The following DLGAP1 variants were observed in gnomAD, a reference collection of about 807,000 sequenced individuals.
DLGAP1 encodes DLG associated protein 1.
DLGAP1 carries 11 observed loss-of-function variants against 90.8 expected under a neutral mutation model. That is an observed-to-expected ratio of 0.12 (90% CI 0.08 to 0.20). The LOEUF (loss-of-function observed/expected upper bound fraction) is 0.20. Among genes scored for constraint, DLGAP1 ranks in the 10% least tolerant of loss-of-function variants. The pLI is 1.00. For synonymous variants in DLGAP1, 558 were observed against 540.7 expected (o/e 1.03, Z -0.44); for missense variants, 1,050 against 1,333.8 (o/e 0.79, Z 3.31).
chr18:3,990,939 T>C (rs1308923054), intron 3 of DLGAP1, among the ~76,000 whole-genome samples: 1 of 151,872 alleles, frequency 6.6e-6, no homozygotes, highest in East Asian at 1.9e-4. Flanking sequence ...TTATTTTTTT[T>C]CTAAAATGTA....
intron 2 of DLGAP1, among the ~76,000 whole-genome samples, chr18:4,134,272 C>T (rs921194533): frequency 6.6e-6 from 1 of 152,086 alleles, no homozygotes; most frequent in African/African-American, 2.4e-5. Flanking sequence ...CCCTAAAGAA[C>T]AGCCTTCCCT....
intron 3 of DLGAP1, among the ~76,000 whole-genome samples, chr18:3,953,593 A>G (rs1396540705): frequency 2.0e-5 from 3 of 152,120 alleles, no homozygotes; most frequent in Non-Finnish European, 2.9e-5. Context: ...CTGTTGATGG[A>G]CACTTAGGTT....
intron 8 of DLGAP1, among the ~76,000 whole-genome samples, chr18:3,573,358 C>T (rs1405424552): frequency 1.3e-5 from 2 of 152,018 alleles, no homozygotes; most frequent in Admixed American, 1.3e-4. Context: ...AAAAATTAGC[C>T]GGGCGTGGTA....
intron 2 of DLGAP1, among the ~76,000 whole-genome samples, chr18:4,131,402 T>C (rs1157694257): frequency 1.3e-5 from 2 of 152,206 alleles, no homozygotes; most frequent in Non-Finnish European, 2.9e-5. Flanking sequence ...AAGCACAGGT[T>C]AGAAAGCTTT....
intron 9 of DLGAP1, among the ~76,000 whole-genome samples, chr18:3,551,750 T>C (rs1423646956): frequency 3.4e-5 from 3 of 87,492 alleles, no homozygotes; most frequent in African/African-American, 1.4e-4. Context: ...CTTCCTTCCT[T>C]CCTTCCTTCC....
intron 4 of DLGAP1, among the ~76,000 whole-genome samples, chr18:3,820,804 T>G (rs1037717751): frequency 6.6e-6 from 1 of 150,552 alleles, no homozygotes; most frequent in African/African-American, 2.4e-5. Context: ...GGCATTACTA[T>G]TTCCATCTTA....
intron 3 of DLGAP1, among the ~76,000 whole-genome samples, chr18:3,985,020 C>T (rs1275021768): frequency 6.6e-6 from 1 of 152,126 alleles, no homozygotes; most frequent in Non-Finnish European, 1.5e-5. Context: ...AGCCATTGTC[C>T]CTTCTTGGAA....
chr18:3,496,066 T>C lies in DLGAP1; in HGVS notation c.*3119A>G, dbSNP rs1414623039. ...TTAATTATTTTATTAATTTCTTCTT[T>C]TTACATTATGGGAAACATTCATCTA... On this transcript the variant is annotated 3_prime_UTR_variant, in exon 13 of 13. Coordinates refer to ENST00000315677, the MANE Select transcript of DLGAP1 (RefSeq NM_004746.4). 6.6e-6 allele frequency: 1 copy of C among 152,224 alleles called. No individual in the cohort carries two copies. Among genetic ancestry groups the C allele is most frequent in the Admixed American group, 6.5e-5 (1 of 15,284 alleles). 9.4% of individuals were successfully genotyped at this position (152,224 alleles called of 1,614,324 possible).
intron 2 of DLGAP1, among the ~76,000 whole-genome samples, chr18:4,128,319 G>A (rs1178677877): frequency 3.3e-5 from 5 of 151,934 alleles, no homozygotes; most frequent in South Asian, 2.1e-4. Flanking sequence ...AAAGTATACC[G>A]GGGGGATGTG....
At chr18:3,618,555 T>C (rs2057967764) in intron 7 of DLGAP1, among the ~76,000 whole-genome samples, 1 of 149,892 alleles carries the variant, frequency 6.7e-6, no homozygotes, top group Non-Finnish European at 1.5e-5. Context: ...TAAATGTTGC[T>C]ATTTGCTTAC....
At chr18:4,301,495 T>G (rs2080124658) in intron 1 of DLGAP1, among the ~76,000 whole-genome samples, 1 of 152,234 alleles carries the variant, frequency 6.6e-6, no homozygotes, top group Admixed American at 6.5e-5. Context: ...TAGTACTCCA[T>G]TGCATGTGTT....
intron 1 of DLGAP1, among the ~76,000 whole-genome samples, chr18:4,158,430 T>G (rs1027782504): frequency 6.6e-6 from 1 of 152,192 alleles, no homozygotes; most frequent in African/African-American, 2.4e-5. Context: ...CATTTTCACT[T>G]TGCCCTGGGC....
chr18:3,512,564 C>G (rs374220398), intron 10 of DLGAP1, among the ~76,000 whole-genome samples: 2 of 152,204 alleles, frequency 1.3e-5, no homozygotes, highest in African/African-American at 2.4e-5. Context: ...TCAGGAGGAA[C>G]TTTTGGGAGG....
intron 1 of DLGAP1, among the ~76,000 whole-genome samples, chr18:4,262,224 C>A (rs1345192344): frequency 6.6e-6 from 1 of 152,160 alleles, no homozygotes; most frequent in East Asian, 1.9e-4. Flanking sequence ...CAGGATACAG[C>A]CAGACACAAA....
chr18:4,445,113 G>A (rs1428660172), intron 1 of DLGAP1, among the ~76,000 whole-genome samples: 2 of 152,074 alleles, frequency 1.3e-5, no homozygotes, highest in East Asian at 1.9e-4. Context: ...TATTTTCCAA[G>A]TTGCTTATGG....
chr18:3,960,015 T>C (rs1308593403), intron 3 of DLGAP1, among the ~76,000 whole-genome samples: 1 of 152,166 alleles, frequency 6.6e-6, no homozygotes, highest in African/African-American at 2.4e-5. Context: ...GTCTAGCGTC[T>C]CTCCCTTCAC....
rs574162428 is a variant in DLGAP1 at position 3,682,137 on chromosome 18, A to G, written c.1591+46998T>C. ...GTCTCAAAAAAAAAAAAAATAAAAA[A>G]AAATAAAAATAACGAACGAACTAAC... On this transcript the variant is annotated intron_variant, in intron 7 of 12. Transcript: ENST00000315677. 2.7e-5 allele frequency among the ~76,000 whole-genome samples: 4 copies of G among 149,766 alleles called. No homozygotes were observed. The East Asian group carries it at 7.8e-4, about 29-fold the overall frequency.
At chr18:4,370,920 T>C (rs2081901752) in intron 1 of DLGAP1, among the ~76,000 whole-genome samples, 1 of 152,154 alleles carries the variant, frequency 6.6e-6, no homozygotes, top group South Asian at 2.1e-4. Flanking sequence ...CCTAGTGTTG[T>C]ACACTAGGAT....
chr18:4,189,981 C>T (rs1189080545), intron 1 of DLGAP1, among the ~76,000 whole-genome samples: 1 of 152,076 alleles, frequency 6.6e-6, no homozygotes, highest in Non-Finnish European at 1.5e-5. Flanking sequence ...AGAAGACAGC[C>T]TAGCAGTTTT....
Sources: allele counts gnomAD v4.1 joint callset (sites outside exome capture counted in the v4.1 genomes callset), GRCh38; gene constraint gnomAD v4.1.1; transcripts MANE v1.5; gene names NCBI Gene and HGNC (gene_info 2026-07-23, HGNC 2026-07-21).